The following LRRTM4 variants were observed in gnomAD, a reference collection of about 807,000 sequenced individuals.
The protein encoded by LRRTM4 is leucine rich repeat transmembrane neuronal 4, also known as leucine-rich repeat transmembrane neuronal protein 4.
In LRRTM4, 25 loss-of-function variants were observed where a neutral mutation model predicts 47.6. That is an observed-to-expected ratio of 0.53 (90% CI 0.38 to 0.73). The LOEUF (loss-of-function observed/expected upper bound fraction) is 0.73. LRRTM4 is among the 30% of genes least tolerant of loss of function. LRRTM4 has a pLI of 0.00. For missense variants in LRRTM4, 638 were observed against 713.4 expected (o/e 0.89, Z 1.20); for synonymous variants, 311 against 269.5 (o/e 1.15, Z -1.51).
At chr2:76,774,912 T>A (rs1330182090) in intron 3 of LRRTM4, among the ~76,000 whole-genome samples, 2 of 152,232 alleles carry the variant, frequency 1.3e-5, no homozygotes, top group Non-Finnish European at 2.9e-5. Context: ...GATTGTCTAA[T>A]GTAAATTTGT....
intron 3 of LRRTM4, among the ~76,000 whole-genome samples, chr2:76,976,497 A>T (rs1676422614): frequency 6.6e-6 from 1 of 151,698 alleles, no homozygotes; most frequent in African/African-American, 2.4e-5. Context: ...ATCAGTAGCC[A>T]TTTAGTCTCT....
chr2:76,993,722 A>T (rs764443318), intron 3 of LRRTM4, among the ~76,000 whole-genome samples: 2 of 151,928 alleles, frequency 1.3e-5, no homozygotes, highest in Non-Finnish European at 2.9e-5. Flanking sequence ...TAAAAATAGA[A>T]CTACTATTCC....
At chr2:76,779,649 A>C (rs377521299) in intron 3 of LRRTM4, among the ~76,000 whole-genome samples, 1 of 151,170 alleles carries the variant, frequency 6.6e-6, no homozygotes, top group African/African-American at 2.4e-5. Context: ...TTGAGCCTAT[A>C]TGTGTCTCTG....
chr2:76,765,458 G>A (rs548888284), intron 3 of LRRTM4, among the ~76,000 whole-genome samples: 1 of 152,288 alleles, frequency 6.6e-6, no homozygotes, highest in East Asian at 1.9e-4. Flanking sequence ...CTAACCCTCA[G>A]TATGGCTACA....
At chr2:77,337,493 G>A (rs1671208768) in intron 3 of LRRTM4, among the ~76,000 whole-genome samples, 1 of 152,036 alleles carries the variant, frequency 6.6e-6, no homozygotes, top group East Asian at 1.9e-4. Context: ...GGACCTGGTA[G>A]GAAATGACTG....
intron 3 of LRRTM4, among the ~76,000 whole-genome samples, chr2:77,003,719 G>C (rs1237569805): frequency 6.6e-6 from 1 of 152,154 alleles, no homozygotes; most frequent in African/African-American, 2.4e-5. Context: ...GTACTGGGTA[G>C]TGGGACACTG....
intron 3 of LRRTM4, among the ~76,000 whole-genome samples, chr2:77,278,020 C>G (rs1248637051): frequency 6.6e-6 from 1 of 151,942 alleles, no homozygotes; most frequent in Non-Finnish European, 1.5e-5. Flanking sequence ...AGAACTGCTG[C>G]TGCAAAGTCA....
chr2:77,347,642 G>A lies in LRRTM4; in HGVS notation c.1551+170676C>T, dbSNP rs190018231. ...TTATAAAATATAATAAAAATGAATT[G>A]CAAAAAATAAAGTTTTAAAAATATA... On this transcript the variant is annotated intron_variant, in intron 3 of 3. Coordinates refer to ENST00000409884, the MANE Select transcript of LRRTM4 (RefSeq NM_001134745.3). Among the ~76,000 whole-genome samples the A allele has an allele frequency of 9.4e-4, 143 of 151,834 alleles. 1 individual carries two copies. The highest frequency in any genetic ancestry group is 3.3e-3 in the African/African-American group (137 of 41,444).
At position 77,519,881 on chromosome 2, in the gene LRRTM4, AAGAC is replaced by A; in HGVS notation, c.5-21_5-18del. On this transcript the variant is annotated intron_variant, in intron 2 of 3. Coordinates refer to ENST00000409884, the MANE Select transcript of LRRTM4 (RefSeq NM_001134745.3). This position sits in a 1 kb window ranked among gnomAD's most constrained non-coding sequence, Gnocchi z 4.6. ...AATGGAAACCTACGATATTAAAAAA[AAGAC>A]AGATGCACATTGTGAAGCTATTAAA... 6.4e-7 allele frequency: 1 copy of A among 1,552,606 alleles called. No homozygotes were observed.
intron 3 of LRRTM4, among the ~76,000 whole-genome samples, chr2:77,445,732 A>G (rs1487694336): frequency 6.6e-6 from 1 of 152,102 alleles, no homozygotes; most frequent in Admixed American, 6.6e-5. Context: ...AAATGTTTTC[A>G]CAAATAAATA....
chr2:77,070,936 T>C (rs953669396), intron 3 of LRRTM4, among the ~76,000 whole-genome samples: 1 of 152,150 alleles, frequency 6.6e-6, no homozygotes, highest in African/African-American at 2.4e-5. Context: ...TTTTTTGAAA[T>C]AACAATTTTA....
chr2:77,477,967 G>A (rs1004752604), intron 3 of LRRTM4, among the ~76,000 whole-genome samples: 8 of 129,106 alleles, frequency 6.2e-5, no homozygotes, highest in Admixed American at 6.1e-4. Context: ...AAGAAAGAAA[G>A]AAAAAGAAAA....
chr2:77,314,871 C>T (rs1433110329), intron 3 of LRRTM4, among the ~76,000 whole-genome samples: 1 of 152,130 alleles, frequency 6.6e-6, no homozygotes. Flanking sequence ...TGGACCACAG[C>T]AACGAGCCAA....
intron 3 of LRRTM4, among the ~76,000 whole-genome samples, chr2:76,914,104 T>C (rs574743340): frequency 4.6e-4 from 70 of 152,084 alleles, no homozygotes; most frequent in African/African-American, 1.6e-3. Flanking sequence ...CTGGGATTAG[T>C]CTTAGACAAC....
chr2:77,429,714 G>A (rs1279262911), intron 3 of LRRTM4, among the ~76,000 whole-genome samples: 12 of 152,146 alleles, frequency 7.9e-5, no homozygotes, highest in Admixed American at 7.9e-4. Context: ...ACAGAAAGAA[G>A]GGGTGGGGGA....
intron 3 of LRRTM4, among the ~76,000 whole-genome samples, chr2:76,789,250 AG>A (rs1274160533): frequency 2.6e-5 from 4 of 152,174 alleles, no homozygotes; most frequent in African/African-American, 9.7e-5. Context: ...CAGTGATGAA[AG>A]GGAATACAAA....
intron 3 of LRRTM4, among the ~76,000 whole-genome samples, chr2:77,121,343 T>G (rs529496827): frequency 1.3e-5 from 2 of 151,924 alleles, no homozygotes; most frequent in African/African-American, 4.8e-5. Flanking sequence ...GAACTGCACT[T>G]AGACAAGAAC....
At chr2:77,437,232 T>A (rs1358606622) in intron 3 of LRRTM4, among the ~76,000 whole-genome samples, 1 of 152,070 alleles carries the variant, frequency 6.6e-6, no homozygotes, top group Non-Finnish European at 1.5e-5. Flanking sequence ...ATCGTTGATA[T>A]TTTTAAACAT....
intron 3 of LRRTM4, among the ~76,000 whole-genome samples, chr2:76,835,220 G>A (rs950990393): frequency 1.3e-5 from 2 of 151,936 alleles, no homozygotes; most frequent in Non-Finnish European, 2.9e-5. Flanking sequence ...TACAGGTTAA[G>A]TATGTATCCC....
Sources: gnomAD v4.1 joint callset for allele counts (sites outside exome capture counted in the v4.1 genomes callset) on GRCh38, gnomAD v4.1.1 for gene constraint, Gnocchi (gnomAD v3.1) non-coding constraint, MANE v1.5 for transcripts, NCBI Gene and HGNC (gene_info 2026-07-23, HGNC 2026-07-21) for gene names.